Variants in ZNF705G observed in about 807,000 individuals in gnomAD.
The protein encoded by ZNF705G is putative zinc finger protein 705G.
ZNF705G carries 23 observed loss-of-function variants against 19.6 expected under a neutral mutation model. The ratio of observed to expected loss-of-function variants is 1.17; its 90% confidence interval spans 0.84 to 1.66. The LOEUF (loss-of-function observed/expected upper bound fraction) is 1.66. Among genes scored for constraint, ZNF705G ranks in the 40% most tolerant of loss-of-function variants. The pLI is 0.00. For synonymous variants in ZNF705G, 146 were observed against 117.7 expected, an observed-to-expected ratio of 1.24 and a Z score of -1.56; for missense variants, 457 against 354.4, an observed-to-expected ratio of 1.29 and a Z score of -2.32.
At position 7,357,051 on chromosome 8, in the gene ZNF705G, C is replaced by A. The variant is rs1465824774; in HGVS notation, c.*925G>T. The A allele has an allele frequency of 6.7e-6, 1 of 149,862 alleles. No individual in the cohort carries two copies. Among genetic ancestry groups the A allele is most frequent in the Non-Finnish European group, 1.5e-5 (1 of 68,028 alleles). The allele number at this position is 149,862 out of a possible 1,614,324, so 9.3% of individuals were successfully genotyped here. On this transcript the variant is annotated 3_prime_UTR_variant, in exon 7 of 7. Coordinates refer to ENST00000400156, the MANE Select transcript of ZNF705G (RefSeq NM_001164457.3). ...TTCTGATGAGAAATCTATCAGGTTT[C>A]TCCACAGTGATTTTCAAGTTTGATA... is the stretch of plus-strand genomic sequence containing the variant.
In ZNF705G at chr8:7,358,021, A is replaced by G. The variant is rs1448755700; in HGVS notation, c.858T>C (p.Cys286=). 3.1e-6 allele frequency: 5 copies of G among 1,609,020 alleles called. No homozygotes were observed. The highest frequency in any genetic ancestry group is 4.2e-6 in the Non-Finnish European group (5 of 1,179,808). ...IIHTGEKPHA[C]LLCGKAFSLS... is the part of the protein sequence containing the mutation. The stretch of plus-strand genomic sequence containing the variant: ...GACTGAAGGCCTTCCCACATAGAAG[A>G]CAAGCATGTGGTTTCTCTCCAGTGT... The change falls in exon 7 of 7, where the codon TGT becomes TGC. Residue 286 remains cysteine, a synonymous_variant. Transcript: ENST00000400156.
At chr8:7,363,505 A>C (rs1398402561) in intron 2 of ZNF705G, among the ~76,000 whole-genome samples, 1 of 149,306 alleles carries the variant, frequency 6.7e-6, no homozygotes, top group Admixed American at 6.6e-5. Flanking sequence ...TTCCCCTTGG[A>C]ACTTGGAAAT....
At chr8:7,380,929 A>ATTGCTTGAG (rs1807464649) in intron 2 of ZNF705G, among the ~76,000 whole-genome samples, 1 of 132,268 alleles carries the variant, frequency 7.6e-6, no homozygotes, top group African/African-American at 3.6e-5. Context: ...AGGCAGGAGA[A>ATTGCTTGAG]TTGCTTGAGC....
chr8:7,368,275 T>C (rs1806950756), intron 2 of ZNF705G, among the ~76,000 whole-genome samples: 1 of 149,552 alleles, frequency 6.7e-6, no homozygotes, highest in South Asian at 2.1e-4. Flanking sequence ...GTTAAGGCTA[T>C]TTTGAAGGAA....
At chr8:7,360,057 A>C (rs1806501726) in intron 5 of ZNF705G, among the ~76,000 whole-genome samples, 180 bp downstream of exon 5, 1 of 149,524 alleles carries the variant, frequency 6.7e-6, no homozygotes. Flanking sequence ...AAGAGGACAC[A>C]AGAGTAGCAT....
intron 1 of ZNF705G, among the ~76,000 whole-genome samples, chr8:7,383,125 A>ATTTTTTTTTTTTTT: frequency 7.9e-6 from 1 of 125,798 alleles, no homozygotes; most frequent in Non-Finnish European, 1.6e-5. Flanking sequence ...TCAATGTTTG[A>ATTTTTTTTTTTTTT]TTTTTTTTTT....
chr8:7,383,947 G>A (rs1428770331), intron 1 of ZNF705G, among the ~76,000 whole-genome samples: 1 of 141,394 alleles, frequency 7.1e-6, no homozygotes, highest in Non-Finnish European at 1.5e-5. Flanking sequence ...GGAAGGCAGG[G>A]AGGAAACTCA....
At position 7,358,250 on chromosome 8, in the gene ZNF705G, G is replaced by A. The variant is rs1806379167; in HGVS notation, c.629C>T (p.Thr210Ile). The A allele has an allele frequency of 3.1e-6, 5 of 1,607,626 alleles. No individual in the cohort carries two copies. The highest frequency in any genetic ancestry group is 1.1e-5 in the South Asian group (1 of 90,708). Residue 210 changes from threonine to isoleucine, a missense_variant, in exon 7 of 7, where the codon ACT becomes ATT. Transcript: ENST00000400156. ...YACHLCRKAF[T>I]QCSHLRRHEK... ...GTGTCTTCTAAGGTGAGAACACTGA[G>A]TGAAGGCTTTTCTACATAGATGACA...
chr8:7,380,481 G>A (rs1352687037), intron 2 of ZNF705G, among the ~76,000 whole-genome samples: 1 of 147,466 alleles, frequency 6.8e-6, no homozygotes, highest in Non-Finnish European at 1.5e-5. Context: ...GTACCTGTGT[G>A]TCTCCTGAGA....
In ZNF705G at chr8:7,362,646, C is replaced by T. The variant is rs1240464821; in HGVS notation, c.12+289G>A. ...TCTCATATCTTTTTTTGTAAATAGC[C>T]TTAATAGGGGCTGGAATAAAGTAGT... On this transcript the variant is annotated intron_variant, in intron 3 of 6. Transcript: ENST00000400156. Among the ~76,000 whole-genome samples, 9 of 149,298 alleles carry T rather than the reference C, an allele frequency of 6.0e-5. No individual in the cohort carries two copies. The South Asian group carries it at 1.9e-3, about 32-fold the overall frequency.
chr8:7,368,716 G>T (rs183438833), intron 2 of ZNF705G, among the ~76,000 whole-genome samples: 1 of 149,712 alleles, frequency 6.7e-6, no homozygotes, highest in Non-Finnish European at 1.5e-5. Flanking sequence ...AGGCCTGGAG[G>T]CCTAGGAGGG....
rs1806325753 is a variant in ZNF705G, at chr8:7,357,437, C to T, written c.*539G>A. ...AGAAAATACAAATAAAGGGTTCATC[C>T]AAGTAAAGTTTTCTCATGTTATTTG... On this transcript the variant is annotated 3_prime_UTR_variant, in exon 7 of 7. Transcript: ENST00000400156. 1 of 165,276 alleles carries T rather than the reference C, an allele frequency of 6.1e-6. No homozygotes were observed. The highest frequency in any genetic ancestry group is 5.6e-5 in the Admixed American group (1 of 17,836). 10.2% of individuals were successfully genotyped at this position (165,276 alleles called of 1,614,324 possible).
Position 7,358,505 on chromosome 8 carries a change from C to A in ZNF705G, c.374G>T (p.Cys125Phe). The A allele has an allele frequency of 6.2e-7, 1 of 1,607,582 alleles. No individual in the cohort carries two copies. Among genetic ancestry groups the A allele is most frequent in the Non-Finnish European group, 8.5e-7 (1 of 1,179,588 alleles). The change falls in exon 7 of 7, where the codon TGC becomes TTC. Residue 125 changes from cysteine (C) to phenylalanine (F), a missense_variant. Physicochemically the swap from Cys to Phe is radical, Grantham distance 205. Coordinates refer to ENST00000400156, the MANE Select transcript of ZNF705G (RefSeq NM_001164457.3). ...CTGAGTTATTGTGGAACTGCGAGTG[C>A]AATCTTCTCCCGAATCATTACATTC... The part of the protein sequence containing the change: ...PFECNDSGED[C>F]TRSSTITQCL...
chr8:7,365,980 C>A (rs1449096189), intron 2 of ZNF705G, among the ~76,000 whole-genome samples: 4 of 149,568 alleles, frequency 2.7e-5, no homozygotes, highest in African/African-American at 7.7e-5. Flanking sequence ...GATTCTCTCA[C>A]TTCTCAACAC....
intron 2 of ZNF705G, among the ~76,000 whole-genome samples, chr8:7,366,978 T>A (rs533749703): frequency 1.3e-5 from 2 of 149,830 alleles, no homozygotes; most frequent in East Asian, 1.9e-4. Flanking sequence ...AATTATAATT[T>A]ATTTACAGTT....
At chr8:7,364,743 A>T (rs1806780810) in intron 2 of ZNF705G, among the ~76,000 whole-genome samples, 4 of 149,314 alleles carry the variant, frequency 2.7e-5, no homozygotes, top group African/African-American at 1.0e-4. Flanking sequence ...CTTTTTTCTT[A>T]TTCCTTGGAC....
At chr8:7,364,162 G>A (rs1244888562) in intron 2 of ZNF705G, among the ~76,000 whole-genome samples, 1 of 149,552 alleles carries the variant, frequency 6.7e-6, no homozygotes, top group Non-Finnish European at 1.5e-5. Context: ...AAATACCGAT[G>A]TCCATGTATA....
rs566138316 is a variant in ZNF705G at position 7,385,067 on chromosome 8, A to T, written c.-222+431T>A. Among the ~76,000 whole-genome samples, 3 of 147,654 alleles carry T rather than the reference A, an allele frequency of 2.0e-5. No homozygotes were observed. The East Asian group carries it at 5.8e-4, about 29-fold the overall frequency. ...GAACACATCTCTAGTGAGATAAACTAGTTCTGTGTGTTTGACAGCAATAGA... is the reference window on the plus strand; with the variant it reads ...GAACACATCTCTAGTGAGATAAACTTGTTCTGTGTGTTTGACAGCAATAGA... On this transcript the variant is annotated intron_variant, in intron 1 of 6. Transcript: ENST00000400156.
At chr8:7,359,371 T>C (rs1318565222) in intron 6 of ZNF705G, among the ~76,000 whole-genome samples, 1 of 149,916 alleles carries the variant, frequency 6.7e-6, no homozygotes, top group Admixed American at 6.6e-5. Flanking sequence ...ATTGTGTTGA[T>C]ATCAATATCT....
Sources: gnomAD v4.1 joint callset for allele counts (sites outside exome capture counted in the v4.1 genomes callset) on GRCh38, gnomAD v4.1.1 for gene constraint, MANE v1.5 for transcripts, NCBI Gene and HGNC (gene_info 2026-07-23, HGNC 2026-07-21) for gene names.